The following CPQ variants were observed in gnomAD, a reference collection of about 807,000 sequenced individuals.
CPQ encodes carboxypeptidase Q.
Under a neutral mutation model 45.7 loss-of-function variants are expected in CPQ, and 37 were observed. The ratio of observed to expected loss-of-function variants is 0.81; its 90% CI spans 0.62 to 1.07. The LOEUF (loss-of-function observed/expected upper bound fraction) is 1.07. Ranked by LOEUF, CPQ falls within the 50% of genes least tolerant of loss-of-function variation. The pLI is 0.00. For synonymous variants in CPQ, 186 were observed against 205.8 expected, an observed-to-expected ratio of 0.90 and a Z score of 0.82; for missense variants, 537 against 572.9, an observed-to-expected ratio of 0.94 and a Z score of 0.64.
intron 7 of CPQ, among the ~76,000 whole-genome samples, chr8:97,086,444 C>A (rs1252565492): frequency 6.6e-6 from 1 of 152,120 alleles, no homozygotes; most frequent in East Asian, 1.9e-4. Context: ...AGGGGGTTAC[C>A]TAAATGGTAC....
chr8:96,698,101 A>G (rs965579065), intron 1 of CPQ, among the ~76,000 whole-genome samples: 3 of 152,178 alleles, frequency 2.0e-5, no homozygotes, highest in Non-Finnish European at 2.9e-5. Context: ...ACTTCAAATT[A>G]TACTACTGAG....
At chr8:97,042,885 T>C (rs1249684469) in intron 6 of CPQ, among the ~76,000 whole-genome samples, 10 of 152,154 alleles carry the variant, frequency 6.6e-5, no homozygotes, top group Admixed American at 6.5e-4. Context: ...TTACATTTGC[T>C]GAGGAGAGCT....
intron 1 of CPQ, among the ~76,000 whole-genome samples, chr8:96,694,144 CAT>C (rs1431574799): frequency 6.6e-6 from 1 of 151,846 alleles, no homozygotes; most frequent in East Asian, 1.9e-4. Flanking sequence ...AAAATTAAAA[CAT>C]AGCACCAGAT....
At chr8:97,066,983 G>C (rs545434651) in intron 7 of CPQ, among the ~76,000 whole-genome samples, 1 of 133,030 alleles carries the variant, frequency 7.5e-6, no homozygotes, top group Non-Finnish European at 1.5e-5. Flanking sequence ...CTGGAGTGCA[G>C]TGACATGATC....
In CPQ at chr8:97,135,315, C is replaced by A. The variant is rs534880100; in HGVS notation, c.1256-7705C>A. On this transcript the variant is annotated intron_variant, in intron 7 of 7. Coordinates refer to ENST00000220763, the MANE Select transcript of CPQ (RefSeq NM_016134.4). ...TCCTTTGTTTTCCTTTCATTTTTTC[C>A]CCCTCTTATGAGTTGAGTTGCTTTC... 7.9e-5 allele frequency among the ~76,000 whole-genome samples: 12 copies of A among 151,872 alleles called. 1 individual carries two copies. The South Asian group carries it at 2.5e-3, about 32-fold the overall frequency.
At chr8:96,794,380 C>G (rs1468306529) in intron 2 of CPQ, among the ~76,000 whole-genome samples, 1 of 152,180 alleles carries the variant, frequency 6.6e-6, no homozygotes, top group Non-Finnish European at 1.5e-5. Flanking sequence ...CTTTCAGCCA[C>G]AACTAGAGCG....
chr8:97,123,245 TAAAATAAAAATA>T (rs1563587474), intron 7 of CPQ, among the ~76,000 whole-genome samples: 5 of 134,324 alleles, frequency 3.7e-5, no homozygotes, highest in African/African-American at 1.4e-4. Flanking sequence ...ATAAATAAAA[TAAAATAAAAATA>T]AAATAAAATA....
chr8:96,998,287 G>A (rs767668196), intron 5 of CPQ, among the ~76,000 whole-genome samples: 1 of 151,756 alleles, frequency 6.6e-6, no homozygotes, highest in South Asian at 2.1e-4. Context: ...AAAGACAACC[G>A]ATTGAAATGA....
chr8:96,758,899 A>G (rs1038027656), intron 1 of CPQ, among the ~76,000 whole-genome samples: 1 of 152,070 alleles, frequency 6.6e-6, no homozygotes, highest in African/African-American at 2.4e-5. Context: ...CTCACTCTTT[A>G]TATCTCCGTA....
intron 2 of CPQ, among the ~76,000 whole-genome samples, chr8:96,809,936 A>C (rs1005491546): frequency 6.6e-6 from 1 of 152,160 alleles, no homozygotes; most frequent in Non-Finnish European, 1.5e-5. Flanking sequence ...ATTACACTCT[A>C]GTGAACACCC....
chr8:97,036,775 C>G (rs1810013752), intron 6 of CPQ, among the ~76,000 whole-genome samples: 1 of 152,112 alleles, frequency 6.6e-6, no homozygotes, highest in Non-Finnish European at 1.5e-5. Context: ...GTAATCTGGC[C>G]TTGAGAAAGC....
At chr8:97,069,950 C>T (rs556233832) in intron 7 of CPQ, among the ~76,000 whole-genome samples, 2 of 152,096 alleles carry the variant, frequency 1.3e-5, no homozygotes, top group Non-Finnish European at 1.5e-5. Flanking sequence ...ACAAAAGGAT[C>T]AATTTATAAT....
intron 5 of CPQ, among the ~76,000 whole-genome samples, chr8:96,968,379 A>G (rs1350075528): frequency 6.6e-6 from 1 of 152,066 alleles, no homozygotes; most frequent in Non-Finnish European, 1.5e-5. Context: ...GAAATTGTGG[A>G]TTTCTATTTG....
chr8:97,140,581 C>T (rs1345473920), intron 7 of CPQ, among the ~76,000 whole-genome samples: 1 of 151,988 alleles, frequency 6.6e-6, no homozygotes, highest in Non-Finnish European at 1.5e-5. Flanking sequence ...TATATAAACA[C>T]ACCATTTTCA....
At chr8:97,112,988 A>G (rs1490375542) in intron 7 of CPQ, among the ~76,000 whole-genome samples, 1 of 152,198 alleles carries the variant, frequency 6.6e-6, no homozygotes, top group Non-Finnish European at 1.5e-5. Flanking sequence ...GGCCTGGACC[A>G]TTGGGGTCAC....
At chr8:96,912,080 T>C (rs936332749) in intron 4 of CPQ, among the ~76,000 whole-genome samples, 2 of 152,192 alleles carry the variant, frequency 1.3e-5, no homozygotes, top group Non-Finnish European at 2.9e-5. Context: ...TACAGGACAA[T>C]GTTTTGCCTT....
At chr8:96,967,494 C>T (rs1385725868) in intron 5 of CPQ, among the ~76,000 whole-genome samples, 1 of 152,172 alleles carries the variant, frequency 6.6e-6, no homozygotes, top group African/African-American at 2.4e-5. Context: ...CGGTATTCAG[C>T]ATGGGACCCT....
chr8:96,773,096 T>C (rs1231262854), intron 1 of CPQ, among the ~76,000 whole-genome samples: 1 of 152,140 alleles, frequency 6.6e-6, no homozygotes, highest in African/African-American at 2.4e-5. Flanking sequence ...CTGGATAGAC[T>C]AGTTTAAAGG....
chr8:96,904,154 T>C (rs1283143861), intron 4 of CPQ, among the ~76,000 whole-genome samples: 2 of 152,180 alleles, frequency 1.3e-5, no homozygotes, highest in Non-Finnish European at 1.5e-5. Context: ...CTTTCTTTGA[T>C]AGATGTCTTT....
Sources: gnomAD v4.1 joint callset for allele counts (sites outside exome capture counted in the v4.1 genomes callset) on GRCh38, gnomAD v4.1.1 for gene constraint, MANE v1.5 for transcripts, NCBI Gene and HGNC (gene_info 2026-07-23, HGNC 2026-07-21) for gene names.